CDH8: variants seen among roughly 807,000 people sequenced by gnomAD.
CDH8 encodes cadherin 8, also known as cadherin-8.
In CDH8, 17 loss-of-function variants were observed where a neutral mutation model predicts 68.1. The observed-to-expected ratio is 0.25, with a 90% CI of 0.17 to 0.37. The LOEUF is 0.37. Ranked by LOEUF, CDH8 falls within the 10% of genes least tolerant of loss-of-function variation. The pLI is 1.00. For synonymous variants in CDH8, 372 were observed against 365.1 expected, an observed-to-expected ratio of 1.02 and a Z score of -0.21; for missense variants, 763 against 999.3, an observed-to-expected ratio of 0.76 and a Z score of 3.19.
intron 9 of CDH8, among the ~76,000 whole-genome samples, chr16:61,718,033 A>C (rs1964764286): frequency 6.6e-6 from 1 of 151,414 alleles, no homozygotes; most frequent in Non-Finnish European, 1.5e-5. Flanking sequence ...GTGAGTGTGT[A>C]TAAAATGTCT....
At chr16:61,701,879 C>G (rs1369833621) in intron 10 of CDH8, among the ~76,000 whole-genome samples, 2 of 152,228 alleles carry the variant, frequency 1.3e-5, no homozygotes, top group African/African-American at 4.8e-5. Flanking sequence ...AATGTTTTAA[C>G]TAATTGACAG....
At chr16:61,767,753 A>G (rs997056588) in intron 8 of CDH8, among the ~76,000 whole-genome samples, 4 of 151,944 alleles carry the variant, frequency 2.6e-5, no homozygotes, top group African/African-American at 9.7e-5. Flanking sequence ...ACAGACATGC[A>G]TTAGCCAAGT....
At chr16:61,898,209 A>T (rs1454504434) in intron 3 of CDH8, among the ~76,000 whole-genome samples, 2 of 152,130 alleles carry the variant, frequency 1.3e-5, no homozygotes, top group African/African-American at 4.8e-5. Context: ...CTGAGGCAGG[A>T]GAATGGCATG....
chr16:61,886,738 G>T (rs762979675), intron 3 of CDH8, among the ~76,000 whole-genome samples: 3 of 152,124 alleles, frequency 2.0e-5, no homozygotes, highest in Non-Finnish European at 4.4e-5. Flanking sequence ...CTTGCCTAAT[G>T]GTTCCCAAGT....
intron 10 of CDH8, among the ~76,000 whole-genome samples, chr16:61,684,031 T>C (rs1388063231): frequency 3.3e-5 from 5 of 152,020 alleles, no homozygotes; most frequent in African/African-American, 9.7e-5. Context: ...CTCCAATATT[T>C]GCTCGCCATT....
At chr16:62,005,917 C>G (rs192642712) in intron 2 of CDH8, among the ~76,000 whole-genome samples, 1 of 152,034 alleles carries the variant, frequency 6.6e-6, no homozygotes, top group Non-Finnish European at 1.5e-5. Flanking sequence ...GCTTTCCTAC[C>G]TTGCTGCACT....
intron 4 of CDH8, among the ~76,000 whole-genome samples, chr16:61,825,968 T>A (rs183705091): frequency 6.6e-6 from 1 of 151,894 alleles, no homozygotes; most frequent in Non-Finnish European, 1.5e-5. Context: ...TTGTTAAAGA[T>A]CCAAAATTTT....
intron 6 of CDH8, among the ~76,000 whole-genome samples, chr16:61,819,644 A>G (rs1962164621): frequency 1.3e-5 from 2 of 152,142 alleles, no homozygotes. Flanking sequence ...ATAAAAAAGA[A>G]TATCCAGAAA....
At chr16:61,723,905 T>TG (rs1959266000) in intron 9 of CDH8, among the ~76,000 whole-genome samples, 1 of 150,710 alleles carries the variant, frequency 6.6e-6, no homozygotes, top group Non-Finnish European at 1.5e-5. Flanking sequence ...AATTAGACTA[T>TG]ATCACCACTG....
At chr16:61,937,074 G>GT (rs964948404) in intron 2 of CDH8, among the ~76,000 whole-genome samples, 39 of 152,006 alleles carry the variant, frequency 2.6e-4, no homozygotes, top group African/African-American at 8.7e-4. Context: ...ACCTCCCAGG[G>GT]TTTTTTCAGG....
At chr16:61,766,650 C>CTGTT (rs35735694) in intron 8 of CDH8, among the ~76,000 whole-genome samples, 6,436 of 151,092 alleles carry the variant, frequency 0.043, 449 homozygotes, top group African/African-American at 0.15. Context: ...CTGTCTATTT[C>CTGTT]TGTTTGTTTG....
chr16:61,753,009 A>C (rs1960209880), intron 8 of CDH8, among the ~76,000 whole-genome samples: 1 of 152,174 alleles, frequency 6.6e-6, no homozygotes, highest in Non-Finnish European at 1.5e-5. Flanking sequence ...CAAGATATTT[A>C]AGGCAACAAC....
intron 8 of CDH8, among the ~76,000 whole-genome samples, chr16:61,749,480 A>G (rs1960105163): frequency 6.6e-6 from 1 of 152,072 alleles, no homozygotes; most frequent in Admixed American, 6.6e-5. Context: ...AGAAAACCCC[A>G]GTTAACATTA....
intron 7 of CDH8, among the ~76,000 whole-genome samples, chr16:61,814,750 C>A (rs183284277): frequency 1.3e-5 from 2 of 152,240 alleles, no homozygotes; most frequent in Admixed American, 1.3e-4. Flanking sequence ...GGTTAAATGG[C>A]TCTAAATCTG....
intron 1 of CDH8, among the ~76,000 whole-genome samples, chr16:62,034,237 G>A (rs1481427943): frequency 3.3e-5 from 5 of 151,184 alleles, no homozygotes; most frequent in African/African-American, 9.8e-5. Flanking sequence ...AGAAATCCCT[G>A]CAACACTGGA....
At chr16:61,699,702 G>C (rs1212931936) in intron 10 of CDH8, among the ~76,000 whole-genome samples, 1 of 152,106 alleles carries the variant, frequency 6.6e-6, no homozygotes, top group Non-Finnish European at 1.5e-5. Context: ...GGCCTCTCAA[G>C]TAGTTGGGAT....
intron 10 of CDH8, among the ~76,000 whole-genome samples, chr16:61,708,514 T>A (rs1170679921): frequency 6.6e-6 from 1 of 152,158 alleles, no homozygotes. Context: ...ATATGAAAAC[T>A]ACAAAATAAC....
intron 8 of CDH8, among the ~76,000 whole-genome samples, chr16:61,755,557 A>C (rs930397981): frequency 6.6e-6 from 1 of 152,100 alleles, no homozygotes; most frequent in African/African-American, 2.4e-5. Flanking sequence ...TTTCAAGAAA[A>C]GTTTACATAA....
At chr16:61,841,715 A>G (rs940084459) in intron 4 of CDH8, among the ~76,000 whole-genome samples, 11 of 152,052 alleles carry the variant, frequency 7.2e-5, no homozygotes, top group African/African-American at 2.7e-4. Context: ...GGGGATGGAT[A>G]CCCCATTCTC....
Sources: gnomAD v4.1 joint callset for allele counts (sites outside exome capture counted in the v4.1 genomes callset) on GRCh38, gnomAD v4.1.1 for gene constraint, MANE v1.5 for transcripts, NCBI Gene and HGNC (gene_info 2026-07-23, HGNC 2026-07-21) for gene names.